Variants in GPC6 observed in about 807,000 individuals in gnomAD.
The protein encoded by GPC6 is glypican 6.
A neutral mutation model predicts 55.2 loss-of-function variants in GPC6; 14 were observed. That is an observed-to-expected ratio of 0.25 (90% CI 0.17 to 0.40). GPC6 has a LOEUF of 0.40. Ranked by LOEUF, GPC6 falls within the 10% of genes least tolerant of loss-of-function variation. The pLI is 1.00. For missense variants in GPC6, 641 were observed against 708.5 expected (o/e 0.90, Z 1.08); for synonymous variants, 278 against 259.6 (o/e 1.07, Z -0.68).
intron 4 of GPC6, among the ~76,000 whole-genome samples, chr13:94,149,475 T>G (rs574938887): frequency 2.0e-5 from 3 of 152,094 alleles, no homozygotes; most frequent in African/African-American, 7.2e-5. Context: ...ATAACTTAAG[T>G]GCGATAGTAT....
intron 1 of GPC6, among the ~76,000 whole-genome samples, chr13:93,267,929 G>C (rs1594062249): frequency 6.6e-6 from 1 of 152,160 alleles, no homozygotes; most frequent in African/African-American, 2.4e-5. Flanking sequence ...TCTCTGTAGA[G>C]ATATATGTTG....
At chr13:93,853,671 A>T (rs1241242040) in intron 3 of GPC6, among the ~76,000 whole-genome samples, 3 of 151,642 alleles carry the variant, frequency 2.0e-5, no homozygotes, top group African/African-American at 7.3e-5. Flanking sequence ...TGGTGGCAAT[A>T]ATTGTATCTT....
chr13:93,779,127 A>G (rs1885557710), intron 2 of GPC6, among the ~76,000 whole-genome samples: 1 of 152,000 alleles, frequency 6.6e-6, no homozygotes, highest in Admixed American at 6.6e-5. Context: ...TTTTCTTTCC[A>G]GTTTATTATT....
At chr13:94,158,375 T>G (rs1406341635) in intron 4 of GPC6, among the ~76,000 whole-genome samples, 2 of 56,810 alleles carry the variant, frequency 3.5e-5, no homozygotes, top group Non-Finnish European at 9.7e-5. Context: ...ATTTTGATGA[T>G]GCTTTAAAAA....
At chr13:93,829,398 G>A (rs932008614) in intron 2 of GPC6, among the ~76,000 whole-genome samples, 6 of 152,100 alleles carry the variant, frequency 3.9e-5, no homozygotes, top group African/African-American at 1.2e-4. Flanking sequence ...ACACTCAAGC[G>A]CTGTTGCAAA....
chr13:93,885,686 G>T (rs1261584685), intron 3 of GPC6, among the ~76,000 whole-genome samples: 2 of 152,180 alleles, frequency 1.3e-5, no homozygotes. Context: ...GTAATTCACT[G>T]TAGGTGTCAG....
At chr13:93,502,305 A>G (rs560024433) in intron 1 of GPC6, among the ~76,000 whole-genome samples, 1 of 151,942 alleles carries the variant, frequency 6.6e-6, no homozygotes. Flanking sequence ...AGCAAGAAAG[A>G]GAGAGAGAGA....
At chr13:93,604,795 C>T (rs1878170873) in intron 2 of GPC6, among the ~76,000 whole-genome samples, 1 of 152,106 alleles carries the variant, frequency 6.6e-6, no homozygotes, top group Non-Finnish European at 1.5e-5. Flanking sequence ...GAGCATCCAG[C>T]CTTAGCACAG....
intron 3 of GPC6, among the ~76,000 whole-genome samples, chr13:93,891,509 C>G (rs1185402919): frequency 6.6e-6 from 1 of 152,116 alleles, no homozygotes; most frequent in African/African-American, 2.4e-5. Context: ...AGAAACACAG[C>G]TCTGGTCACC....
At chr13:93,404,830 C>A (rs1594146464) in intron 1 of GPC6, among the ~76,000 whole-genome samples, 1 of 96,066 alleles carries the variant, frequency 1.0e-5, no homozygotes, top group Non-Finnish European at 2.5e-5. Context: ...ATTAGATTAA[C>A]AACAATAACA....
chr13:93,494,826 T>G (rs1444717490), intron 1 of GPC6, among the ~76,000 whole-genome samples: 2 of 149,112 alleles, frequency 1.3e-5, no homozygotes, highest in East Asian at 4.1e-4. Context: ...GAAAATTCTT[T>G]TCTTTAAGAA....
At chr13:93,757,519 T>C (rs942965159) in intron 2 of GPC6, among the ~76,000 whole-genome samples, 24 of 152,180 alleles carry the variant, frequency 1.6e-4, no homozygotes, top group Admixed American at 9.8e-4. Context: ...CTTCTATTCT[T>C]GTTCAGCCAC....
intron 4 of GPC6, among the ~76,000 whole-genome samples, chr13:94,181,843 C>A (rs1488314959): frequency 3.3e-5 from 5 of 152,194 alleles, no homozygotes; most frequent in Non-Finnish European, 7.3e-5. Flanking sequence ...TTATTGAGCA[C>A]TCACTAAGTG....
intron 1 of GPC6, among the ~76,000 whole-genome samples, chr13:93,511,242 T>A (rs1023146421): frequency 1.3e-5 from 2 of 151,274 alleles, no homozygotes; most frequent in African/African-American, 4.8e-5. Flanking sequence ...TCTTTTAAGG[T>A]CTTAGTCGTA....
intron 1 of GPC6, among the ~76,000 whole-genome samples, chr13:93,484,435 A>G (rs1372732615): frequency 6.6e-6 from 1 of 152,160 alleles, no homozygotes; most frequent in African/African-American, 2.4e-5. Flanking sequence ...GTATATTCTG[A>G]AAGATTTTTG....
At chr13:94,213,110 C>T (rs897462671) in intron 4 of GPC6, among the ~76,000 whole-genome samples, 14 of 152,222 alleles carry the variant, frequency 9.2e-5, no homozygotes, top group South Asian at 2.1e-4. Context: ...GAGCTGAGAT[C>T]ATGCCACTGC....
chr13:93,820,190 A>G (rs1288582898), intron 2 of GPC6, among the ~76,000 whole-genome samples: 2 of 152,134 alleles, frequency 1.3e-5, no homozygotes, highest in South Asian at 2.1e-4. Flanking sequence ...CTTCATGGAA[A>G]AGTTTATTAA....
chr13:93,693,295 G>T (rs1882323684), intron 2 of GPC6, among the ~76,000 whole-genome samples: 1 of 152,022 alleles, frequency 6.6e-6, no homozygotes, highest in South Asian at 2.1e-4. Flanking sequence ...AACAGTAAAG[G>T]TAGTTTAAAT....
chr13:93,388,892 TGTGA>T (rs1875508902), intron 1 of GPC6, among the ~76,000 whole-genome samples: 1 of 152,198 alleles, frequency 6.6e-6, no homozygotes, highest in South Asian at 2.1e-4. Context: ...CTTATGAGTG[TGTGA>T]GTGAGTCAGT....
Sources: gnomAD v4.1 joint callset for allele counts (sites outside exome capture counted in the v4.1 genomes callset) on GRCh38, gnomAD v4.1.1 for gene constraint, MANE v1.5 for transcripts, NCBI Gene and HGNC (gene_info 2026-07-23, HGNC 2026-07-21) for gene names.